The following CAMTA1 variants were observed in gnomAD, a reference collection of about 807,000 sequenced individuals.
CAMTA1 encodes the protein calmodulin-binding transcription activator 1.
Under a neutral mutation model 170.9 loss-of-function variants are expected in CAMTA1, and 27 were observed. The observed-to-expected ratio is 0.16, with a 90% CI of 0.12 to 0.22. The LOEUF (loss-of-function observed/expected upper bound fraction) is 0.22, where lower values mean the gene tolerates loss of function less well. CAMTA1 is among the 10% of genes least tolerant of loss of function. The probability of loss-of-function intolerance (pLI) is 1.00; values close to 1 mark genes in which losing one functional copy is unlikely to be tolerated. For missense variants in CAMTA1, 1,619 were observed against 2,217.2 expected, an observed-to-expected ratio of 0.73 and a Z score of 5.42; for synonymous variants, 833 against 891.5, an observed-to-expected ratio of 0.93 and a Z score of 1.17.
intron 12 of CAMTA1, among the ~76,000 whole-genome samples, chr1:7,734,233 C>A (rs1390911564): frequency 6.6e-6 from 1 of 152,192 alleles, no homozygotes; most frequent in East Asian, 1.9e-4. Context: ...AGACATAAGC[C>A]ACCGTGCCCG....
At chr1:7,319,670 C>A (rs904997744) in intron 5 of CAMTA1, among the ~76,000 whole-genome samples, 1 of 152,160 alleles carries the variant, frequency 6.6e-6, no homozygotes, top group Non-Finnish European at 1.5e-5. Context: ...ATCATTCATT[C>A]ATTCACTCAT....
intron 3 of CAMTA1, among the ~76,000 whole-genome samples, chr1:6,950,972 C>A (rs1688386666): frequency 6.6e-6 from 1 of 152,192 alleles, no homozygotes; most frequent in Admixed American, 6.5e-5. Flanking sequence ...CTCATGGAGA[C>A]CTGAGGCAGT....
chr1:7,476,113 C>A (rs1315326763), intron 6 of CAMTA1, among the ~76,000 whole-genome samples: 1 of 152,232 alleles, frequency 6.6e-6, no homozygotes, highest in Non-Finnish European at 1.5e-5. Flanking sequence ...CTTTCTTCCA[C>A]ACCTTTGGCC....
chr1:7,421,052 G>A (rs2091526360), intron 5 of CAMTA1, among the ~76,000 whole-genome samples: 1 of 152,220 alleles, frequency 6.6e-6, no homozygotes, highest in South Asian at 2.1e-4. Context: ...TCTGTGTCCT[G>A]GCTGTCTTCT....
chr1:7,458,455 C>T (rs2093011199), intron 5 of CAMTA1, among the ~76,000 whole-genome samples: 1 of 152,108 alleles, frequency 6.6e-6, no homozygotes, highest in African/African-American at 2.4e-5. Flanking sequence ...TCCACTATGG[C>T]AGAAAGAGTG....
chr1:7,058,882 CA>C (rs1346765615), intron 3 of CAMTA1, among the ~76,000 whole-genome samples: 17 of 107,716 alleles, frequency 1.6e-4, no homozygotes, highest in African/African-American at 2.4e-4. Context: ...CACACACACA[CA>C]TACACACACA....
intron 3 of CAMTA1, among the ~76,000 whole-genome samples, chr1:6,945,172 TA>T (rs2149448684): frequency 6.6e-6 from 1 of 152,296 alleles, no homozygotes; most frequent in Admixed American, 6.5e-5. Flanking sequence ...TCTTTTTTGA[TA>T]ACAGCTTTAT....
chr1:7,727,232 C>T lies in CAMTA1; in HGVS notation c.2915-5216C>T, dbSNP rs1469360736. Reference sequence around the variant, plus strand: ...CCGCCTCCTGGGTTCACGCCATTCTCCTGCCTCAGCCTCCTGAGTAGCTGG... The same window carrying T: ...CCGCCTCCTGGGTTCACGCCATTCTTCTGCCTCAGCCTCCTGAGTAGCTGG... On this transcript the variant is annotated intron_variant, in intron 11 of 22. Transcript: ENST00000303635. 2.6e-5 allele frequency among the ~76,000 whole-genome samples: 4 copies of T among 151,330 alleles called. No homozygotes were observed. The South Asian group carries it at 8.4e-4, about 32-fold the overall frequency.
intron 11 of CAMTA1, among the ~76,000 whole-genome samples, chr1:7,695,434 T>C (rs747237910): frequency 6.6e-6 from 1 of 152,218 alleles, no homozygotes; most frequent in Non-Finnish European, 1.5e-5. Context: ...CTCATTTTTA[T>C]ATTTGGTGAA....
chr1:7,227,079 C>T (rs536587864), intron 4 of CAMTA1, among the ~76,000 whole-genome samples: 11 of 152,116 alleles, frequency 7.2e-5, no homozygotes, highest in African/African-American at 1.7e-4. Flanking sequence ...GTGATCCACC[C>T]GCCTCATCTT....
chr1:7,579,240 C>T (rs2095233929), intron 6 of CAMTA1, among the ~76,000 whole-genome samples: 1 of 152,256 alleles, frequency 6.6e-6, no homozygotes, highest in Admixed American at 6.5e-5. Flanking sequence ...AGCCTTTGGA[C>T]ACTTTGACCA....
intron 3 of CAMTA1, among the ~76,000 whole-genome samples, chr1:6,995,442 T>G (rs1697101654): frequency 1.3e-5 from 2 of 151,786 alleles, no homozygotes; most frequent in Admixed American, 1.3e-4. Flanking sequence ...TAACTGAGAC[T>G]ACAGACCTGC....
intron 3 of CAMTA1, among the ~76,000 whole-genome samples, chr1:7,019,953 A>G (rs1701116165): frequency 6.6e-6 from 1 of 152,216 alleles, no homozygotes; most frequent in African/African-American, 2.4e-5. Context: ...GATTCCAGAA[A>G]TAAGTTGGGC....
At position 7,738,967 on chromosome 1, in the gene CAMTA1, G is replaced by A. The variant is rs1238426700; in HGVS notation, c.4182+485G>A. Reference sequence around the variant, plus strand: ...ATGGCGTGAGGCTCTCACGAGGGCAGCGAAATATTCCTGAAGCTGATAATT... The same window carrying A: ...ATGGCGTGAGGCTCTCACGAGGGCAACGAAATATTCCTGAAGCTGATAATT... On this transcript the variant is annotated intron_variant, in intron 16 of 22. Coordinates refer to ENST00000303635, the MANE Select transcript of CAMTA1 (RefSeq NM_015215.4). This position sits in a 1 kb window ranked among gnomAD's most constrained non-coding sequence, Gnocchi z 4.9. Among the ~76,000 whole-genome samples, 1 of 152,164 alleles carries A rather than the reference G, an allele frequency of 6.6e-6. No homozygotes were observed. The highest frequency in any genetic ancestry group is 1.5e-5 in the Non-Finnish European group (1 of 68,030).
chr1:7,610,514 C>A (rs17031163), intron 6 of CAMTA1, among the ~76,000 whole-genome samples: 27,554 of 152,166 alleles, frequency 0.18, 3,054 homozygotes, highest in African/African-American at 0.31. Context: ...TGTGGCCTAG[C>A]AGGTTAAATC....
At chr1:7,631,390 A>C (rs1013182048) in intron 6 of CAMTA1, among the ~76,000 whole-genome samples, 25 of 152,174 alleles carry the variant, frequency 1.6e-4, no homozygotes, top group Non-Finnish European at 2.5e-4. Context: ...CATGACTTCA[A>C]GCAGGGCTGG....
intron 3 of CAMTA1, among the ~76,000 whole-genome samples, chr1:7,032,167 T>C (rs1414983963): frequency 6.6e-6 from 1 of 151,962 alleles, no homozygotes; most frequent in Non-Finnish European, 1.5e-5. Flanking sequence ...GGTTTCACCA[T>C]TTGACCAGGC....
At chr1:7,705,352 C>T (rs1347360426) in intron 11 of CAMTA1, among the ~76,000 whole-genome samples, 3 of 147,920 alleles carry the variant, frequency 2.0e-5, no homozygotes, top group Admixed American at 1.3e-4. Flanking sequence ...TCTGGAGTGG[C>T]CGAGGGCGTG....
At chr1:7,552,568 G>C (rs1439867403) in intron 6 of CAMTA1, among the ~76,000 whole-genome samples, 1 of 152,244 alleles carries the variant, frequency 6.6e-6, no homozygotes, top group Admixed American at 6.5e-5. Context: ...TCCAGAAGCT[G>C]GCTCGCCTGG....
Sources: allele counts gnomAD v4.1 joint callset (sites outside exome capture counted in the v4.1 genomes callset), GRCh38; gene constraint gnomAD v4.1.1; non-coding constraint Gnocchi (gnomAD v3.1); transcripts MANE v1.5; gene names NCBI Gene and HGNC (gene_info 2026-07-23, HGNC 2026-07-21).